ZNF665: variants seen among roughly 807,000 people sequenced by gnomAD.
The protein encoded by ZNF665 is zinc finger protein 665.
Under a neutral mutation model 7.9 loss-of-function variants are expected in ZNF665, and 6 were observed. The ratio of observed to expected loss-of-function variants is 0.76; its 90% CI spans 0.42 to 1.50. ZNF665 has a LOEUF of 1.50. Among genes scored for constraint, ZNF665 ranks in the 40% most tolerant of loss-of-function variants. The pLI, the probability that ZNF665 is intolerant of heterozygous loss-of-function variation, is 0.01. For synonymous variants in ZNF665, 242 were observed against 274.5 expected, an observed-to-expected ratio of 0.88 and a Z score of 1.17; for missense variants, 819 against 806.7, an observed-to-expected ratio of 1.02 and a Z score of -0.18.
intron 1 of ZNF665, among the ~76,000 whole-genome samples, chr19:53,190,835 G>A (rs998353035): frequency 1.3e-5 from 2 of 152,228 alleles, no homozygotes; most frequent in African/African-American, 4.8e-5. Flanking sequence ...TTGGGAGGCT[G>A]AGGCAGGAGA....
rs571877339 is a variant in ZNF665 at position 53,170,965 on chromosome 19, T to C, written c.142+4480A>G. ...TATTTTTTATGTTATATGTATTATA[T>C]ACTGTATTCCTTTTTTGTTTGTTTG... On this transcript the variant is annotated intron_variant, in intron 3 of 3. Transcript: ENST00000396424. Among the ~76,000 whole-genome samples the C allele has an allele frequency of 1.2e-3, 187 of 152,214 alleles. 2 individuals carry two copies. The highest frequency in any genetic ancestry group is 3.4e-3 in the Middle Eastern group (1 of 294).
chr19:53,173,127 T>C (rs1283091548), intron 3 of ZNF665, among the ~76,000 whole-genome samples: 2 of 152,172 alleles, frequency 1.3e-5, no homozygotes, highest in Non-Finnish European at 2.9e-5. Context: ...TAACGTCATG[T>C]AGGTTTTCCC....
intron 2 of ZNF665, among the ~76,000 whole-genome samples, chr19:53,179,237 G>A (rs1029363830): frequency 3.4e-4 from 51 of 152,024 alleles, no homozygotes; most frequent in Admixed American, 1.4e-3. Context: ...TTAGCCAGGC[G>A]TGGTGGCGGA....
At chr19:53,180,025 C>T (rs774826080) in intron 2 of ZNF665, 1 of 152,174 alleles carries the variant, frequency 6.6e-6, no homozygotes, top group African/African-American at 2.4e-5. Context: ...GGTCACCTAA[C>T]TGAGAAAAAC....
At chr19:53,171,110 AAGTAGCTGGG>A (rs1449021939) in intron 3 of ZNF665, among the ~76,000 whole-genome samples, 2 of 151,792 alleles carry the variant, frequency 1.3e-5, no homozygotes, top group Non-Finnish European at 2.9e-5. Flanking sequence ...TCAGCCTCCC[AAGTAGCTGGG>A]ATTACAGGTG....
intron 3 of ZNF665, among the ~76,000 whole-genome samples, chr19:53,175,028 C>A (rs1284430962): frequency 6.6e-6 from 1 of 150,876 alleles, no homozygotes; most frequent in Admixed American, 6.6e-5. Context: ...GAATCGTACC[C>A]TTAGGTTTAC....
chr19:53,185,242 C>T (rs1415173398), intron 1 of ZNF665, among the ~76,000 whole-genome samples: 2 of 151,954 alleles, frequency 1.3e-5, no homozygotes, highest in Non-Finnish European at 2.9e-5. Flanking sequence ...TTCCTTGCCA[C>T]TTACGCTACC....
chr19:53,184,077 C>G (rs2090758707), intron 1 of ZNF665, among the ~76,000 whole-genome samples: 1 of 151,906 alleles, frequency 6.6e-6, no homozygotes, highest in Non-Finnish European at 1.5e-5. Flanking sequence ...TGGCAAAACC[C>G]CATCTGTAAA....
chr19:53,179,055 A>G (rs1015540330), intron 2 of ZNF665, among the ~76,000 whole-genome samples: 5 of 152,200 alleles, frequency 3.3e-5, no homozygotes, highest in African/African-American at 9.6e-5. Context: ...GGGTAGAATC[A>G]AAAGAGAAAA....
rs906947896 is a variant in ZNF665 at position 53,163,586 on chromosome 19, C to T, written c.*867G>A. On this transcript the variant is annotated 3_prime_UTR_variant, in exon 4 of 4. Coordinates refer to ENST00000396424, the MANE Select transcript of ZNF665 (RefSeq NM_024733.5). ...CTTTCCCGAACAACACCATGTTAGG[C>T]GTATAATCATGTATAAAATCAGCAC... The T allele has an allele frequency of 2.6e-5, 4 of 152,158 alleles. No individual in the cohort carries two copies. Among genetic ancestry groups the T allele is most frequent in the African/African-American group, 9.7e-5 (4 of 41,438 alleles). 9.4% of individuals were successfully genotyped at this position (152,158 alleles called of 1,614,324 possible). A position where few individuals can be genotyped will look rare whatever the true frequency, so the allele number is the denominator to read the frequency against.
At chr19:53,178,513 C>T (rs1300659714) in intron 2 of ZNF665, among the ~76,000 whole-genome samples, 1 of 151,978 alleles carries the variant, frequency 6.6e-6, no homozygotes, top group African/African-American at 2.4e-5. Flanking sequence ...TGTTTGAACC[C>T]AGGAGTTTGA....
intron 2 of ZNF665, among the ~76,000 whole-genome samples, chr19:53,178,976 C>T (rs2090717347): frequency 6.6e-6 from 1 of 152,152 alleles, no homozygotes; most frequent in Non-Finnish European, 1.5e-5. Flanking sequence ...CAAGGTCACA[C>T]TTATAGAAAA....
chr19:53,168,842 A>T (rs1461581452), intron 3 of ZNF665, among the ~76,000 whole-genome samples: 2 of 152,180 alleles, frequency 1.3e-5, no homozygotes, highest in African/African-American at 4.8e-5. Context: ...AATTCCATGG[A>T]GAAAAGACAG....
chr19:53,186,896 T>C (rs1258130241), intron 1 of ZNF665, among the ~76,000 whole-genome samples: 2 of 1,684 alleles, frequency 1.2e-3, no homozygotes, highest in Admixed American at 7.0e-3. Context: ...CCCCCCCACC[T>C]CCCTCCCGGA....
intron 3 of ZNF665, among the ~76,000 whole-genome samples, chr19:53,172,757 G>A (rs1012985399): frequency 4.0e-5 from 6 of 150,700 alleles, no homozygotes; most frequent in South Asian, 2.1e-4. Context: ...CCTGGGAGGC[G>A]GAGATTGCAG....
At chr19:53,169,508 T>C (rs77848856) in intron 3 of ZNF665, among the ~76,000 whole-genome samples, 7 of 152,064 alleles carry the variant, frequency 4.6e-5, no homozygotes, top group Non-Finnish European at 7.4e-5. Context: ...TTAAAAAAAA[T>C]TTTTTTAATG....
chr19:53,182,826 A>T, intron 2 of ZNF665, 58 bp downstream of exon 2: 1 of 1,612,520 alleles, frequency 6.2e-7, no homozygotes, highest in Non-Finnish European at 8.5e-7. Context: ...CCCAACTCCA[A>T]GGTCCAAGGT....
chr19:53,182,586 T>C (rs1441576434), intron 2 of ZNF665: 2 of 721,496 alleles, frequency 2.8e-6, no homozygotes, highest in Non-Finnish European at 2.5e-6. Context: ...AAATATGTCC[T>C]GAACAATCCC....
In ZNF665 at chr19:53,164,901, G is replaced by C; in HGVS notation, c.1589C>G (p.Thr530Ser). ...TCCAGTATGTATTGTCTGATGTATA[G>C]TTAGGCTTGAATGAACACTAAAGGC... ...GKAFSVHSSL[T>S]IHQTIHTGQK... is the part of the protein sequence containing the mutation. Residue 530 changes from threonine to serine, a missense_variant, in exon 4 of 4, where the codon ACT becomes AGT. Transcript: ENST00000396424. The C allele has an allele frequency of 2.5e-6, 4 of 1,614,182 alleles. No homozygotes were observed. The highest frequency in any genetic ancestry group is 3.4e-6 in the Non-Finnish European group (4 of 1,180,036).
Sources: gnomAD v4.1 joint callset for allele counts (sites outside exome capture counted in the v4.1 genomes callset) on GRCh38, gnomAD v4.1.1 for gene constraint, MANE v1.5 for transcripts, NCBI Gene and HGNC (gene_info 2026-07-23, HGNC 2026-07-21) for gene names.